Variants in PCP4 observed in about 807,000 individuals in gnomAD.
PCP4 encodes the protein Purkinje cell protein 4, also known as calmodulin regulator protein PCP4.
In PCP4, 8 loss-of-function variants were observed where a neutral mutation model predicts 10.0. The ratio of observed to expected loss-of-function variants is 0.80; its 90% CI spans 0.47 to 1.45. The LOEUF is 1.45. Among genes scored for constraint, PCP4 ranks in the 40% most tolerant of loss-of-function variants. The pLI is 0.00. For synonymous variants in PCP4, 21 were observed against 23.0 expected, an observed-to-expected ratio of 0.91 and a Z score of 0.24; for missense variants, 54 against 74.4, an observed-to-expected ratio of 0.73 and a Z score of 1.01.
chr21:39,885,573 T>C (rs1215893643), intron 1 of PCP4, among the ~76,000 whole-genome samples: 3 of 152,142 alleles, frequency 2.0e-5, no homozygotes, highest in Non-Finnish European at 4.4e-5. Context: ...CTCCATGTGG[T>C]TTGGGGTTCA....
intron 1 of PCP4, among the ~76,000 whole-genome samples, chr21:39,895,586 TCC>T (rs2087453071): frequency 6.6e-6 from 1 of 152,240 alleles, no homozygotes; most frequent in Non-Finnish European, 1.5e-5. Flanking sequence ...CTCTGCCTCT[TCC>T]CCACTTCGTG....
At position 39,924,212 on chromosome 21, in the gene PCP4, C is replaced by CCACG. The variant is rs545997216; in HGVS notation, c.62-4770_62-4767dup. On this transcript the variant is annotated intron_variant, in intron 2 of 2. Coordinates refer to ENST00000328619, the MANE Select transcript of PCP4 (RefSeq NM_006198.3). ...CCTTCACTGGCCTTTGCAGCTCTGG[C>CCACG]CACGCCATGCCCAGTACAGTGTGGC... is the stretch of plus-strand genomic sequence containing the variant. Among the ~76,000 whole-genome samples, 205 of 152,314 alleles carry CCACG rather than the reference C, an allele frequency of 1.3e-3. 6 individuals carry two copies. In the South Asian group the frequency reaches 0.04, roughly 29 times the overall value.
chr21:39,901,735 A>G (rs1347810285), intron 2 of PCP4, among the ~76,000 whole-genome samples: 1 of 152,254 alleles, frequency 6.6e-6, no homozygotes, highest in African/African-American at 2.4e-5. Context: ...AGATTATTTT[A>G]CAGTTACTGG....
At chr21:39,874,504 G>A (rs1482681136) in intron 1 of PCP4, among the ~76,000 whole-genome samples, 1 of 151,984 alleles carries the variant, frequency 6.6e-6, no homozygotes, top group Non-Finnish European at 1.5e-5. Flanking sequence ...ATGAAGTAAT[G>A]GTTATTTTAA....
intron 1 of PCP4, among the ~76,000 whole-genome samples, chr21:39,877,711 T>A (rs1024955822): frequency 2.0e-5 from 3 of 151,606 alleles, no homozygotes; most frequent in Non-Finnish European, 4.4e-5. Flanking sequence ...CAAAAACAAA[T>A]ACAAAAACAA....
intron 1 of PCP4, among the ~76,000 whole-genome samples, chr21:39,891,528 T>G (rs532785797): frequency 6.6e-6 from 1 of 152,292 alleles, no homozygotes; most frequent in African/African-American, 2.4e-5. Context: ...TCCTCGTGTG[T>G]GGAGACAAGA....
In PCP4 at chr21:39,929,109, T is replaced by C. The variant is rs2087638767; in HGVS notation, c.187T>C (p.Ter63GlnextTer27). 1 of 1,611,702 alleles carries C rather than the reference T, an allele frequency of 6.2e-7. No individual in the cohort carries two copies. ...GAAGAAGAAGGCTGGGTCTCAGTCC[T>C]AGTGGGAGAACCCCCTCCTAGTCCA... ...FQKKKAGSQS[*>Q] The change falls in exon 3 of 3, where the codon TAG (stop) becomes CAG (glutamine). Residue 63 changes from the stop codon to glutamine (Q), a stop_lost. Coordinates refer to ENST00000328619, the MANE Select transcript of PCP4 (RefSeq NM_006198.3).
chr21:39,875,809 C>T (rs1198847370), intron 1 of PCP4, among the ~76,000 whole-genome samples: 1 of 152,094 alleles, frequency 6.6e-6, no homozygotes, highest in African/African-American at 2.4e-5. Flanking sequence ...ATTTATTTTA[C>T]AATTATGTAT....
chr21:39,911,363 T>G (rs988637839), intron 2 of PCP4, among the ~76,000 whole-genome samples: 3 of 152,212 alleles, frequency 2.0e-5, no homozygotes, highest in Admixed American at 1.3e-4. Context: ...TTTTCCTGGA[T>G]CTTTCTGTAG....
chr21:39,868,572 C>A (rs552633509), intron 1 of PCP4, among the ~76,000 whole-genome samples: 10 of 152,284 alleles, frequency 6.6e-5, no homozygotes, highest in Admixed American at 6.5e-4. Flanking sequence ...ATTCTCCCAC[C>A]ACCACAATCA....
rs1568863749 is a variant in PCP4, at chr21:39,927,315, T to TATC, written c.62-1668_62-1666dup. On this transcript the variant is annotated intron_variant, in intron 2 of 2. Coordinates refer to ENST00000328619, the MANE Select transcript of PCP4 (RefSeq NM_006198.3). ...CTATCTATCTATCTATCTATCTATC[T>TATC]ATCTATCATCTATCTATCTATCTGT... Among the ~76,000 whole-genome samples, 126 of 113,652 alleles carry TATC rather than the reference T, an allele frequency of 1.1e-3. 1 individual carries two copies. Among genetic ancestry groups the TATC allele is most frequent in the African/African-American group, 3.2e-3 (103 of 31,914 alleles). The allele number at this position is 113,652 out of a possible 152,430, so 74.6% of individuals were successfully genotyped here.
intron 2 of PCP4, among the ~76,000 whole-genome samples, chr21:39,911,867 G>A (rs2299782): frequency 0.13 from 19,855 of 152,184 alleles, 1,550 homozygotes; most frequent in East Asian, 0.31. Flanking sequence ...ACCTGCAGAT[G>A]AGATATTCAT....
At chr21:39,890,102 C>T (rs1381854741) in intron 1 of PCP4, among the ~76,000 whole-genome samples, 3 of 152,152 alleles carry the variant, frequency 2.0e-5, no homozygotes, top group African/African-American at 4.8e-5. Context: ...TTCTAGAAGT[C>T]GTGTAATAAA....
chr21:39,874,070 A>G (rs1263652125), intron 1 of PCP4, among the ~76,000 whole-genome samples: 1 of 152,218 alleles, frequency 6.6e-6, no homozygotes, highest in Admixed American at 6.5e-5. Context: ...AAGGAAGACA[A>G]ATTAGACTCA....
intron 1 of PCP4, among the ~76,000 whole-genome samples, chr21:39,873,715 G>C (rs2087331480): frequency 6.6e-6 from 1 of 152,176 alleles, no homozygotes; most frequent in Non-Finnish European, 1.5e-5. Context: ...TTGGGGTATA[G>C]ATATGGGAAT....
intron 2 of PCP4, among the ~76,000 whole-genome samples, chr21:39,921,862 ATACTCTTCTCGAC>A (rs2087598141): frequency 6.6e-6 from 1 of 152,240 alleles, no homozygotes; most frequent in Admixed American, 6.5e-5. Flanking sequence ...GAGCAAACTC[ATACTCTTCTCGAC>A]AAGTATCTGC....
At chr21:39,888,915 G>A (rs538267482) in intron 1 of PCP4, among the ~76,000 whole-genome samples, 4 of 152,268 alleles carry the variant, frequency 2.6e-5, no homozygotes, top group Admixed American at 2.0e-4. Context: ...TAATTTCTAC[G>A]TTTCACTTTA....
At chr21:39,920,005 G>A (rs2087587589) in intron 2 of PCP4, among the ~76,000 whole-genome samples, 1 of 145,158 alleles carries the variant, frequency 6.9e-6, no homozygotes, top group Non-Finnish European at 1.5e-5. Context: ...TGTGTTTGAT[G>A]TGTGATGTGT....
intron 2 of PCP4, among the ~76,000 whole-genome samples, chr21:39,915,821 A>G (rs769009286): frequency 1.4e-4 from 21 of 152,358 alleles, no homozygotes; most frequent in Middle Eastern, 3.4e-3. Flanking sequence ...AACAGTAAGG[A>G]GGCTGGAAAC....
Sources: allele counts gnomAD v4.1 joint callset (sites outside exome capture counted in the v4.1 genomes callset), GRCh38; gene constraint gnomAD v4.1.1; transcripts MANE v1.5; gene names NCBI Gene and HGNC (gene_info 2026-07-23, HGNC 2026-07-21).